The following HERC1 variants were observed in gnomAD, a reference collection of about 807,000 sequenced individuals.
HERC1 encodes the protein probable E3 ubiquitin-protein ligase HERC1.
In HERC1, 160 loss-of-function variants were observed where a neutral mutation model predicts 554.3. The observed-to-expected ratio is 0.29, with a 90% CI of 0.25 to 0.33. HERC1 has a LOEUF of 0.33. HERC1 is among the 10% of genes least tolerant of loss of function. The pLI is 1.00. For synonymous variants in HERC1, 2,175 were observed against 2,131.7 expected (o/e 1.02, Z -0.56); for missense variants, 4,919 against 5,918.5 (o/e 0.83, Z 5.54).
At chr15:63,611,264 T>C (rs143429687) in intron 77 of HERC1, among the ~76,000 whole-genome samples, 1 of 152,242 alleles carries the variant, frequency 6.6e-6, no homozygotes, top group East Asian at 1.9e-4. Context: ...TGTGGAAGTG[T>C]TTAAGGCAGC....
Position 63,718,413 on chromosome 15 carries a change from C to G in HERC1, c.3978+161G>C, listed in dbSNP as rs1040761052. 4 of 660,218 alleles carry G rather than the reference C, an allele frequency of 6.1e-6. No homozygotes were observed. The highest frequency in any genetic ancestry group is 5.5e-5 in the African/African-American group (3 of 54,308). 40.9% of individuals were successfully genotyped at this position (660,218 alleles called of 1,614,324 possible). ...GGTAAATGTGAGGTTAAGTAAATCTCAAATCTTTTCCTTTTTTTTTTTCTG... is the reference window on the plus strand; with the variant it reads ...GGTAAATGTGAGGTTAAGTAAATCTGAAATCTTTTCCTTTTTTTTTTTCTG... On this transcript the variant is annotated intron_variant, in intron 21 of 77. Coordinates refer to ENST00000443617, the MANE Select transcript of HERC1 (RefSeq NM_003922.4). This position sits in a 1 kb window ranked among gnomAD's most constrained non-coding sequence, Gnocchi z 4.2.
intron 51 of HERC1, 70 bp downstream of exon 51, chr15:63,654,049 C>T: frequency 8.1e-7 from 1 of 1,232,898 alleles, no homozygotes; most frequent in Non-Finnish European, 1.2e-6. Context: ...ACTTTGAGCT[C>T]CTTGAGAAGA....
At chr15:63,773,444 CAAAAA>C (rs370465670) in intron 2 of HERC1, among the ~76,000 whole-genome samples, 1 of 72,926 alleles carries the variant, frequency 1.4e-5, no homozygotes. Context: ...GACTCTGTCT[CAAAAA>C]AAAAAAAAAA....
At chr15:63,711,983 C>T (rs912430342) in intron 24 of HERC1, among the ~76,000 whole-genome samples, 3 of 152,226 alleles carry the variant, frequency 2.0e-5, no homozygotes, top group Non-Finnish European at 4.4e-5. Context: ...AGATAGTTTT[C>T]GCTTTATATT....
chr15:63,696,419 T>C (rs781552053), intron 26 of HERC1, 80 bp from the exon 27 acceptor site: 14 of 909,648 alleles, frequency 1.5e-5, no homozygotes, highest in Non-Finnish European at 2.4e-5. Flanking sequence ...ACAGTATTTT[T>C]AACACTTAGA....
intron 21 of HERC1, among the ~76,000 whole-genome samples, chr15:63,717,716 C>T (rs1019576376): frequency 1.3e-5 from 2 of 151,940 alleles, no homozygotes; most frequent in African/African-American, 4.8e-5. Flanking sequence ...ACTAAAAATA[C>T]AAAAAATTAG....
In HERC1 at chr15:63,692,939, G is replaced by A. The variant is rs1052615716; in HGVS notation, c.5675-373C>T. 3.3e-5 allele frequency among the ~76,000 whole-genome samples: 5 copies of A among 152,148 alleles called. No homozygotes were observed. Among genetic ancestry groups the A allele is most frequent in the Admixed American group, 1.3e-4 (2 of 15,270 alleles). On this transcript the variant is annotated intron_variant, in intron 30 of 77. Transcript: ENST00000443617. This position sits in a 1 kb window ranked among gnomAD's most constrained non-coding sequence, Gnocchi z 4.7. ...CTCACATCTGTAATCCCAGCACTTT[G>A]GGAGGTCGAGGCGGGCGGATCACTT...
intron 19 of HERC1, among the ~76,000 whole-genome samples, chr15:63,720,100 TCC>T (rs2073745730): frequency 1.5e-4 from 7 of 47,224 alleles, no homozygotes; most frequent in Non-Finnish European, 2.4e-4. Context: ...TGCTTTTTCT[TCC>T]CTTTTTTTTT....
intron 14 of HERC1, 45 bp downstream of exon 14, chr15:63,732,879 C>T (rs2074355020): frequency 1.6e-6 from 2 of 1,233,068 alleles, no homozygotes; most frequent in East Asian, 4.8e-5. Flanking sequence ...TAAAGAGATC[C>T]CTACCCCTTT....
chr15:63,764,090 A>G lies in HERC1; in HGVS notation c.1026+6T>C, dbSNP rs369423885. 51 of 1,588,296 alleles carry G rather than the reference A, an allele frequency of 3.2e-5. No homozygotes were observed. The African/African-American group carries it at 5.8e-4, about 18-fold the overall frequency. On this transcript the variant is annotated splice_donor_region_variant and intron_variant, in intron 3 of 77. Coordinates refer to ENST00000443617, the MANE Select transcript of HERC1 (RefSeq NM_003922.4). Reference sequence around the variant, plus strand: ...TGTTAATACAAAAGCCACGATTATTACGTACCTCTTCAAAGAGACATAATG... The same window carrying G: ...TGTTAATACAAAAGCCACGATTATTGCGTACCTCTTCAAAGAGACATAATG...
intron 13 of HERC1, among the ~76,000 whole-genome samples, chr15:63,733,769 T>C (rs1452352243): frequency 2.6e-5 from 4 of 152,180 alleles, no homozygotes; most frequent in East Asian, 3.8e-4. Flanking sequence ...GGAGAATCAC[T>C]TGAGCCCAAG....
intron 18 of HERC1, among the ~76,000 whole-genome samples, chr15:63,724,780 A>G (rs1357336566): frequency 6.6e-6 from 1 of 152,266 alleles, no homozygotes; most frequent in African/African-American, 2.4e-5. Context: ...TGCCAGCAAT[A>G]TATACAAATG....
At chr15:63,760,975 T>C (rs926908290) in intron 3 of HERC1, among the ~76,000 whole-genome samples, 1 of 152,176 alleles carries the variant, frequency 6.6e-6, no homozygotes, top group African/African-American at 2.4e-5. Context: ...AGATTACCTT[T>C]GGACTTTGAC....
At chr15:63,649,951 T>G in intron 53 of HERC1, 26 bp from the exon 54 acceptor site, 1 of 1,505,820 alleles carries the variant, frequency 6.6e-7, no homozygotes, top group Non-Finnish European at 9.1e-7. Flanking sequence ...TGTTAACTAG[T>G]TTTTACTTAA....
rs1470275752 is a variant in HERC1, at chr15:63,652,499, T to C, written c.10333A>G (p.Thr3445Ala). ...CGGATGGTGCCATCATTGCCACTTGTAGCCAAAAGACCTTTTTTATTACAC... is the reference window on the plus strand; with the variant it reads ...CGGATGGTGCCATCATTGCCACTTGCAGCCAAAAGACCTTTTTTATTACAC... ...VWCNKKGLLA[T>A]SGNDGTIRVW... The change falls in exon 52 of 78, where the codon ACA (threonine) becomes GCA (alanine). Residue 3445 changes from threonine to alanine, a missense_variant. Coordinates refer to ENST00000443617, the MANE Select transcript of HERC1 (RefSeq NM_003922.4). 2.5e-6 allele frequency: 4 copies of C among 1,606,878 alleles called. No individual in the cohort carries two copies. The highest frequency in any genetic ancestry group is 2.7e-5 in the African/African-American group (2 of 74,904).
chr15:63,827,007 T>C (rs2077961533), intron 1 of HERC1, among the ~76,000 whole-genome samples: 1 of 151,714 alleles, frequency 6.6e-6, no homozygotes, highest in Non-Finnish European at 1.5e-5. Context: ...ACCTTGAAGA[T>C]ACGGTTCTAA....
At chr15:63,761,494 G>A (rs2175088) in intron 3 of HERC1, among the ~76,000 whole-genome samples, 72,509 of 151,580 alleles carry the variant, frequency 0.48, 18,274 homozygotes, top group Non-Finnish European at 0.55. Flanking sequence ...GGCTGAGGCT[G>A]GAAGATCACT....
At chr15:63,623,635 A>T in intron 73 of HERC1, 90 bp downstream of exon 73, 3 of 1,250,656 alleles carry the variant, frequency 2.4e-6, no homozygotes, top group Non-Finnish European at 3.4e-6. Flanking sequence ...CTACATTTAT[A>T]AAAACATGCC....
At chr15:63,826,212 G>A (rs986932774) in intron 1 of HERC1, among the ~76,000 whole-genome samples, 2 of 152,190 alleles carry the variant, frequency 1.3e-5, no homozygotes, top group Non-Finnish European at 2.9e-5. Context: ...GGCAGCACTT[G>A]TTACCCTAAA....
Sources: allele counts gnomAD v4.1 joint callset (sites outside exome capture counted in the v4.1 genomes callset), GRCh38; gene constraint gnomAD v4.1.1; non-coding constraint Gnocchi (gnomAD v3.1); transcripts MANE v1.5; gene names NCBI Gene and HGNC (gene_info 2026-07-23, HGNC 2026-07-21).